BCAR1: variants seen among roughly 807,000 people sequenced by gnomAD.
BCAR1 encodes the protein breast cancer anti-estrogen resistance protein 1.
BCAR1 carries 30 observed loss-of-function variants against 67.6 expected under a neutral mutation model. The observed-to-expected ratio is 0.44, with a 90% CI of 0.33 to 0.60. BCAR1 has a LOEUF of 0.60. BCAR1 is among the 20% of genes least tolerant of loss of function. BCAR1 has a pLI of 0.02. For synonymous variants in BCAR1, 626 were observed against 556.7 expected (o/e 1.12, Z -1.75); for missense variants, 1,313 against 1,222.3 (o/e 1.07, Z -1.11).
chr16:75,231,302 C>G (rs971044649), intron 6 of BCAR1, among the ~76,000 whole-genome samples: 1 of 152,092 alleles, frequency 6.6e-6, no homozygotes, highest in Non-Finnish European at 1.5e-5. Context: ...CCAAGCTGGT[C>G]TCAAACTCCT....
In BCAR1 at chr16:75,239,783, C is replaced by A. The variant is rs188959868; in HGVS notation, c.634-2439G>T. 5.0e-3 allele frequency among the ~76,000 whole-genome samples: 765 copies of A among 152,314 alleles called. 4 individuals carry two copies. Among genetic ancestry groups the A allele is most frequent in the Non-Finnish European group, 8.5e-3 (581 of 68,004 alleles). On this transcript the variant is annotated intron_variant, in intron 2 of 6. Coordinates refer to ENST00000162330, the MANE Select transcript of BCAR1 (RefSeq NM_014567.5). ...ACCACCATAGCCCGCTCCCCTCCCTCCCCAGCTCCAGGCACCCCAGCCTGA... is the reference window on the plus strand; with the variant it reads ...ACCACCATAGCCCGCTCCCCTCCCTACCCAGCTCCAGGCACCCCAGCCTGA...
chr16:75,234,081 ACACT>A (rs2077002805), intron 5 of BCAR1, 146 bp from the exon 6 acceptor site: 3 of 695,962 alleles, frequency 4.3e-6, no homozygotes, highest in African/African-American at 1.8e-5. Flanking sequence ...ACGCACACAC[ACACT>A]AGCACACGTG....
chr16:75,231,403 C>T (rs189505536), intron 6 of BCAR1, among the ~76,000 whole-genome samples: 1 of 152,282 alleles, frequency 6.6e-6, no homozygotes, highest in East Asian at 1.9e-4. Context: ...TCTTTGACAA[C>T]TCTTCATAGT....
In BCAR1 at chr16:75,229,346, T is replaced by C; in HGVS notation, c.*165A>G. On this transcript the variant is annotated 3_prime_UTR_variant, in exon 7 of 7. Transcript: ENST00000162330. ...CCTGAGGAGGCATGGCCCCACACCC[T>C]GCCCGGCCATAAATATATACAGATT... The C allele has an allele frequency of 8.5e-7, 1 of 1,177,114 alleles. No homozygotes were observed. Among genetic ancestry groups the C allele is most frequent in the South Asian group, 1.8e-5 (1 of 56,970 alleles). The allele number at this position is 1,177,114 out of a possible 1,614,324, so 72.9% of individuals were successfully genotyped here. A position where few individuals can be genotyped will look rare whatever the true frequency, so the allele number is the denominator to read the frequency against.
chr16:75,240,846 C>T (rs144892750), intron 2 of BCAR1, among the ~76,000 whole-genome samples: 4,578 of 152,340 alleles, frequency 0.03, 103 homozygotes, highest in Middle Eastern at 0.11. Context: ...ACCCAGCTGG[C>T]TGAGCCCCTG....
upstream of BCAR1, among the ~76,000 whole-genome samples, chr16:75,254,741 C>T (rs7194346): frequency 0.024 from 3,596 of 152,230 alleles, 168 homozygotes; most frequent in African/African-American, 0.083. Flanking sequence ...CCAGGAGTGG[C>T]CTGGCACCTC....
In BCAR1 at chr16:75,251,513, C is replaced by A. The variant is rs1300610247; in HGVS notation, c.-31G>T. On this transcript the variant is annotated 5_prime_UTR_variant, in exon 1 of 7. Transcript: ENST00000162330. ...CCGGCGGGCCTGGGGCCCCGGCTCT[C>A]GCGGGGGCGCACACCGAGCTGCCCG... is the stretch of plus-strand genomic sequence containing the variant. 8.4e-6 allele frequency: 11 copies of A among 1,315,378 alleles called. No individual in the cohort carries two copies. In the African/African-American group the frequency reaches 1.2e-4, roughly 15 times the overall value. 81.5% of individuals were successfully genotyped at this position (1,315,378 alleles called of 1,614,324 possible).
chr16:75,237,069 C>T, intron 3 of BCAR1, 71 bp from the exon 4 acceptor site: 3 of 1,527,096 alleles, frequency 2.0e-6, no homozygotes, highest in Non-Finnish European at 2.6e-6. Flanking sequence ...GGGAACCCCG[C>T]AGCACCGTCC....
At chr16:75,251,383 C>G in intron 1 of BCAR1, 88 bp downstream of exon 1, 1 of 1,451,954 alleles carries the variant, frequency 6.9e-7, no homozygotes. Context: ...CCCCGCAGGT[C>G]CGGCAGGAAA....
chr16:75,265,706 C>A, intron 1 of BCAR1: 1 of 1,130,332 alleles, frequency 8.8e-7, no homozygotes, highest in Non-Finnish European at 1.1e-6. Context: ...CCGAGGAGGC[C>A]CCAGTGAGGC....
chr16:75,248,464 C>A (rs995194739), intron 1 of BCAR1: 25 of 704,802 alleles, frequency 3.5e-5, no homozygotes, highest in Middle Eastern at 6.0e-4. Flanking sequence ...CATCCGCACC[C>A]GGGACCCACC....
At chr16:75,236,112 GCA>G (rs1198350193) in intron 4 of BCAR1, 126 bp from the exon 5 acceptor site, 25 of 1,229,718 alleles carry the variant, frequency 2.0e-5, no homozygotes, top group Admixed American at 1.0e-4. Context: ...AGAGGCACGC[GCA>G]CACACACAGG....
At chr16:75,241,143 C>T (rs547434833) in intron 2 of BCAR1, among the ~76,000 whole-genome samples, 105 of 152,274 alleles carry the variant, frequency 6.9e-4, no homozygotes, top group African/African-American at 2.3e-3. Flanking sequence ...TGGACGTACA[C>T]GTGTCTGTGT....
chr16:75,267,888 G>C (rs765801037), intron 1 of BCAR1: 80 of 1,585,500 alleles, frequency 5.0e-5, no homozygotes, highest in Non-Finnish European at 6.5e-5. Flanking sequence ...AGGGAGAGAG[G>C]GGACCCTGGC....
At chr16:75,260,658 CAACT>C (rs2077887809) in intron 1 of BCAR1, among the ~76,000 whole-genome samples, 1 of 150,046 alleles carries the variant, frequency 6.7e-6, no homozygotes. Context: ...AAACCTCATC[CAACT>C]AACTGTTTAA....
intron 2 of BCAR1, among the ~76,000 whole-genome samples, chr16:75,239,783 C>T (rs188959868): frequency 6.6e-6 from 1 of 152,198 alleles, no homozygotes; most frequent in African/African-American, 2.4e-5. Flanking sequence ...TCCCCTCCCT[C>T]CCCAGCTCCA....
chr16:75,245,669 GTGGCACCAGGCGCC>G (rs1025183088), intron 1 of BCAR1, among the ~76,000 whole-genome samples: 1 of 152,208 alleles, frequency 6.6e-6, no homozygotes, highest in African/African-American at 2.4e-5. Context: ...GGCTGGGCAC[GTGGCACCAGGCGCC>G]TGGCACCAGG....
At chr16:75,239,826 G>A (rs1281493061) in intron 2 of BCAR1, among the ~76,000 whole-genome samples, 4 of 152,208 alleles carry the variant, frequency 2.6e-5, no homozygotes, top group Non-Finnish European at 5.9e-5. Context: ...GCACAGGGGA[G>A]CCTGGGGCAA....
At chr16:75,265,938 T>TTCCGGCTCC (rs982628118) in intron 1 of BCAR1, 27 of 1,089,582 alleles carry the variant, frequency 2.5e-5, no homozygotes, top group Non-Finnish European at 2.9e-5. Context: ...TCCCGGCGCT[T>TTCCGGCTCC]TCCGGCTCCT....
Sources: allele counts gnomAD v4.1 joint callset (sites outside exome capture counted in the v4.1 genomes callset), GRCh38; gene constraint gnomAD v4.1.1; transcripts MANE v1.5; gene names NCBI Gene and HGNC (gene_info 2026-07-23, HGNC 2026-07-21).